The following SIGLEC10 variants were observed in gnomAD, a reference collection of about 807,000 sequenced individuals.
The protein encoded by SIGLEC10 is sialic acid-binding Ig-like lectin 10.
Under a neutral mutation model 68.3 loss-of-function variants are expected in SIGLEC10, and 45 were observed. That is an observed-to-expected ratio of 0.66 (90% CI 0.52 to 0.84). The LOEUF (loss-of-function observed/expected upper bound fraction) is 0.84. Among genes scored for constraint, SIGLEC10 ranks in the 40% least tolerant of loss-of-function variants. The pLI, the probability that SIGLEC10 is intolerant of heterozygous loss-of-function variation, is 0.00. For synonymous variants in SIGLEC10, 379 were observed against 370.8 expected, an observed-to-expected ratio of 1.02 and a Z score of -0.26; for missense variants, 789 against 883.1, an observed-to-expected ratio of 0.89 and a Z score of 1.35.
chr19:51,417,501 C>G, intron 1 of SIGLEC10, 36 bp from the exon 2 acceptor site: 1 of 1,613,984 alleles, frequency 6.2e-7, no homozygotes, highest in Middle Eastern at 1.6e-4. Context: ...GCAACCCCAG[C>G]CCTAGCTCCG....
In SIGLEC10 at chr19:51,414,724, T is replaced by A; in HGVS notation, c.1615+100A>T. The stretch of plus-strand genomic sequence containing the variant: ...TGTCTACATACAGATGCCACGGGTC[T>A]GCTGTGTCCCTCCAAGCTCCTGCTC... On this transcript the variant is annotated intron_variant, in intron 8 of 10. Transcript: ENST00000339313. The surrounding 1 kb of genome is among the most constrained non-coding windows in gnomAD (Gnocchi z 4.1). 2.6e-6 allele frequency: 4 copies of A among 1,557,018 alleles called. No homozygotes were observed. The highest frequency in any genetic ancestry group is 3.5e-6 in the Non-Finnish European group (4 of 1,140,336).
At chr19:51,412,775 CT>C (rs113293263) in intron 10 of SIGLEC10, among the ~76,000 whole-genome samples, 83 of 140,922 alleles carry the variant, frequency 5.9e-4, no homozygotes, top group Admixed American at 5.0e-4. Context: ...CAGGCGTGGC[CT>C]TTTTTTTTTT....
chr19:51,416,017 C>T lies in SIGLEC10; in HGVS notation c.905G>A (p.Gly302Asp). 1 of 1,613,418 alleles carries T rather than the reference C, an allele frequency of 6.2e-7. No individual in the cohort carries two copies. The highest frequency in any genetic ancestry group is 2.2e-5 in the East Asian group (1 of 44,850). Residue 302 changes from glycine to aspartate, a missense_variant, in exon 5 of 11, where the codon GGC (glycine) becomes GAC (aspartate). Coordinates refer to ENST00000339313, the MANE Select transcript of SIGLEC10 (RefSeq NM_033130.5). Reference sequence around the variant, plus strand: ...CAGCTCCAGCCCCAGGGGTCTAGGGCCCCAGGGATGGGACGAGGAGAGGAC... The same window carrying T: ...CAGCTCCAGCCCCAGGGGTCTAGGGTCCCAGGGATGGGACGAGGAGAGGAC... ...NRVLSSSHPW[G>D]PRPLGLELPG... is the part of the protein sequence containing the mutation.
Position 51,416,693 on chromosome 19 carries a change from G to T in SIGLEC10, c.679C>A (p.Gln227Lys). 6.2e-7 allele frequency: 1 copy of T among 1,614,088 alleles called. No individual in the cohort carries two copies. ...GCCACACGGAGTCGGACGGTCCTCT[G>T]TGCGCTCACACCCTTTCTGGAGAAG... ...VDFSRKGVSA[Q>K]RTVRLRVAYA... The change falls in exon 3 of 11, where the codon CAG (glutamine) becomes AAG (lysine). Residue 227 changes from glutamine (Q) to lysine (K), a missense_variant. Coordinates refer to ENST00000339313, the MANE Select transcript of SIGLEC10 (RefSeq NM_033130.5).
chr19:51,411,303 G>A lies in SIGLEC10; in HGVS notation c.1890C>T (p.Ser630=), dbSNP rs756746853. 1 of 1,614,202 alleles carries A rather than the reference G, an allele frequency of 6.2e-7. No homozygotes were observed. The highest frequency in any genetic ancestry group is 1.7e-5 in the Admixed American group (1 of 60,012). The change falls in exon 11 of 11, where the codon TCC becomes TCT. Residue 630 remains serine (S), a synonymous_variant. Coordinates refer to ENST00000339313, the MANE Select transcript of SIGLEC10 (RefSeq NM_033130.5). The part of the protein sequence containing the change: ...PRTPLPPGAP[S]PESKKNQKKQ... ...TTTTCTGGTTCTTCTTTGATTCTGG[G>A]GAGGGAGCACCTGGTGGAAGAGGGG...
intron 10 of SIGLEC10, among the ~76,000 whole-genome samples, chr19:51,412,856 C>T (rs1457414735): frequency 1.3e-5 from 2 of 151,880 alleles, no homozygotes; most frequent in Non-Finnish European, 2.9e-5. Context: ...TAGCCTCCAA[C>T]TCCCAGGCTC....
In SIGLEC10 at chr19:51,415,257, C is replaced by T. The variant is rs1292408064; in HGVS notation, c.1254G>A (p.Glu418=). The change falls in exon 7 of 11, where the codon GAG becomes GAA. Residue 418 remains glutamate (E), a synonymous_variant. Transcript: ENST00000339313. Reference sequence around the variant, plus strand: ...CGTGGCAGGTGAACTCTCCTTCGTGCTCCACTTGAACCCGAGGCAGCTCCA... The same window carrying T: ...CGTGGCAGGTGAACTCTCCTTCGTGTTCCACTTGAACCCGAGGCAGCTCCA... The part of the protein sequence containing the change: ...GVLELPRVQV[E]HEGEFTCHAR... The T allele has an allele frequency of 1.2e-6, 2 of 1,614,002 alleles. No individual in the cohort carries two copies. Among genetic ancestry groups the T allele is most frequent in the African/African-American group, 2.7e-5 (2 of 74,938 alleles).
In SIGLEC10 at chr19:51,416,178, AG is replaced by A; in HGVS notation, c.755-12del. The A allele has an allele frequency of 3.1e-6, 5 of 1,596,570 alleles. No homozygotes were observed. The highest frequency in any genetic ancestry group is 1.4e-5 in the African/African-American group (1 of 72,260). ...GCTGGGGCTCCAGGGCTGGAGTGGG[AG>A]GAAAAAAAAAAAAGAGAGAAAGGGA... is the stretch of plus-strand genomic sequence containing the variant. On this transcript the variant is annotated splice_polypyrimidine_tract_variant and intron_variant, in intron 4 of 10. Transcript: ENST00000339313.
intron 10 of SIGLEC10, among the ~76,000 whole-genome samples, chr19:51,412,396 T>C (rs1246332400): frequency 3.3e-5 from 5 of 151,974 alleles, no homozygotes; most frequent in Non-Finnish European, 7.4e-5. Flanking sequence ...GAGTGAAATA[T>C]GATTCTAAAG....
Position 51,414,982 on chromosome 19 carries a change from T to C in SIGLEC10, c.1457A>G (p.Asn486Ser). 6.2e-7 allele frequency: 1 copy of C among 1,613,198 alleles called. No individual in the cohort carries two copies. Among genetic ancestry groups the C allele is most frequent in the Middle Eastern group, 1.8e-4 (1 of 5,604 alleles). The change falls in exon 8 of 11, where the codon AAC (asparagine) becomes AGC (serine). Residue 486 changes from asparagine (N) to serine (S), a missense_variant. By Grantham distance (46) the Asn-to-Ser change is conservative. Transcript: ENST00000339313. This position sits in a 1 kb window ranked among gnomAD's most constrained non-coding sequence, Gnocchi z 4.1. ...GACCTCGAAGGAGTCCTGGCTGCTG[T>C]TCCCCTCCAGCAGCTCCTCCCCAAG... is the stretch of plus-strand genomic sequence containing the variant. ...WWLGEELLEG[N>S]SSQDSFEVTP...
At position 51,416,980 on chromosome 19, in the gene SIGLEC10, T is replaced by C. The variant is rs763516161; in HGVS notation, c.422-30A>G. 1.7e-4 allele frequency: 270 copies of C among 1,598,180 alleles called. 2 individuals are homozygous for C. In the Admixed American group the frequency reaches 4.3e-3, roughly 26 times the overall value. On this transcript the variant is annotated intron_variant, in intron 2 of 10. Transcript: ENST00000339313. ...GACAGAGACCGTGGTGGGAGATTCT[T>C]GTGCTGCAGGGGTCCCTGAGAGCCC...
chr19:51,413,002 G>T (rs933537917), intron 10 of SIGLEC10, among the ~76,000 whole-genome samples: 1 of 151,914 alleles, frequency 6.6e-6, no homozygotes, highest in African/African-American at 2.4e-5. Flanking sequence ...TCTTAAGTTG[G>T]TTTTGGACAG....
rs1987918988 is a variant in SIGLEC10 at position 51,410,713 on chromosome 19, A to G, written c.*386T>C. ...GCCCAGGCTGGCGTGCAATGGTGTG[A>G]TCTTGGCTCACTGCAACCTCCGTCT... On this transcript the variant is annotated 3_prime_UTR_variant, in exon 11 of 11. Coordinates refer to ENST00000339313, the MANE Select transcript of SIGLEC10 (RefSeq NM_033130.5). 5.6e-6 allele frequency: 1 copy of G among 177,832 alleles called. No individual in the cohort carries two copies. Among genetic ancestry groups the G allele is most frequent in the Admixed American group, 5.5e-5 (1 of 18,266 alleles). 11.0% of individuals were successfully genotyped at this position (177,832 alleles called of 1,614,324 possible).
Position 51,416,897 on chromosome 19 carries a change from G to A in SIGLEC10, c.475C>T (p.Pro159Ser). The change falls in exon 3 of 11, where the codon CCG becomes TCG. Residue 159 changes from proline to serine, a missense_variant. By Grantham distance (74) the Pro-to-Ser change is moderately conservative (BLOSUM62 -1). Transcript: ENST00000339313. ...TTAAACACACAGATGACCGTCACCG[G>A]CTGCCCGGGCTCCAGGGTCTCGGGG... ...YIPETLEPGQ[P>S]VTVICVFNWA... The A allele has an allele frequency of 6.2e-7, 1 of 1,614,118 alleles. No individual in the cohort carries two copies. Among genetic ancestry groups the A allele is most frequent in the East Asian group, 2.2e-5 (1 of 44,874 alleles).
chr19:51,417,036 G>T, intron 2 of SIGLEC10, 46 bp downstream of exon 2: 2 of 1,602,156 alleles, frequency 1.2e-6, no homozygotes, highest in Non-Finnish European at 1.7e-6. Context: ...TGTCCCCAGG[G>T]TCCCTCCCCA....
At position 51,414,421 on chromosome 19, in the gene SIGLEC10, C is replaced by T; in HGVS notation, c.1709+1G>A. On this transcript the variant is annotated splice_donor_variant, in intron 9 of 10. Coordinates refer to ENST00000339313, the MANE Select transcript of SIGLEC10 (RefSeq NM_033130.5). LOFTEE classifies it high-confidence loss of function. This position sits in a 1 kb window ranked among gnomAD's most constrained non-coding sequence, Gnocchi z 4.1. The stretch of plus-strand genomic sequence containing the variant: ...CCCCGCCACGCCTCCTCTTAACCTA[C>T]ATGATCAGGGCCAGGCAGAGGAAAA... 6.2e-7 allele frequency: 1 copy of T among 1,613,364 alleles called. No individual in the cohort carries two copies. Among genetic ancestry groups the T allele is most frequent in the Non-Finnish European group, 8.5e-7 (1 of 1,179,688 alleles).
intron 4 of SIGLEC10, 39 bp from the exon 5 acceptor site, chr19:51,416,206 GGAGA>G: frequency 1.2e-6 from 2 of 1,606,022 alleles, no homozygotes; most frequent in Non-Finnish European, 1.7e-6. Flanking sequence ...AGAAAGGGAG[GGAGA>G]AAGAGAGAAG....
chr19:51,417,078 A>C lies in SIGLEC10; in HGVS notation c.421+4T>G. 6.2e-7 allele frequency: 1 copy of C among 1,613,498 alleles called. No homozygotes were observed. The highest frequency in any genetic ancestry group is 8.5e-7 in the Non-Finnish European group (1 of 1,179,560). On this transcript the variant is annotated splice_donor_region_variant and intron_variant, in intron 2 of 10. Coordinates refer to ENST00000339313, the MANE Select transcript of SIGLEC10 (RefSeq NM_033130.5). ...GAGGCAGGGGTTCCCACCCCATTCC[A>C]TACCTGTTACTTTTAGAAAGAACCC... is the stretch of plus-strand genomic sequence containing the variant.
chr19:51,412,924 C>T (rs879616218), intron 10 of SIGLEC10, among the ~76,000 whole-genome samples: 2 of 152,086 alleles, frequency 1.3e-5, no homozygotes, highest in Non-Finnish European at 2.9e-5. Context: ...TGCACCACCA[C>T]ACCCGGCTAA....
Sources: allele counts gnomAD v4.1 joint callset (sites outside exome capture counted in the v4.1 genomes callset), GRCh38; gene constraint gnomAD v4.1.1; non-coding constraint Gnocchi (gnomAD v3.1); transcripts MANE v1.5; gene names NCBI Gene and HGNC (gene_info 2026-07-23, HGNC 2026-07-21).